FGF12: variants seen among roughly 807,000 people sequenced by gnomAD.
The protein encoded by FGF12 is fibroblast growth factor 12, also known as fibroblast growth factor 12B.
A neutral mutation model predicts 23.6 loss-of-function variants in FGF12; 14 were observed. That is an observed-to-expected ratio of 0.59 (90% CI 0.39 to 0.93). The LOEUF is 0.93. Among genes scored for constraint, FGF12 ranks in the 40% least tolerant of loss-of-function variants. FGF12 has a pLI of 0.00. For missense variants in FGF12, 175 were observed against 217.8 expected, an observed-to-expected ratio of 0.80 and a Z score of 1.24; for synonymous variants, 62 against 77.3, an observed-to-expected ratio of 0.80 and a Z score of 1.04.
chr3:192,381,218 G>A (rs1045266531), intron 2 of FGF12, among the ~76,000 whole-genome samples: 2 of 152,022 alleles, frequency 1.3e-5, no homozygotes, highest in Admixed American at 6.6e-5. Flanking sequence ...AACAGCACCC[G>A]ACCATCTATT....
chr3:192,631,113 G>C (rs889886553), intron 2 of FGF12, among the ~76,000 whole-genome samples: 1 of 152,102 alleles, frequency 6.6e-6, no homozygotes, highest in African/African-American at 2.4e-5. Flanking sequence ...CTGAGCCATT[G>C]CCACTTTTTT....
intron 2 of FGF12, among the ~76,000 whole-genome samples, chr3:192,596,911 G>A (rs1237121038): frequency 6.6e-6 from 1 of 152,202 alleles, no homozygotes; most frequent in Non-Finnish European, 1.5e-5. Flanking sequence ...GAGGAAGATA[G>A]TGTGTAGAAA....
intron 2 of FGF12, among the ~76,000 whole-genome samples, chr3:192,666,898 GGATA>G (rs1403514235): frequency 6.8e-6 from 1 of 147,016 alleles, no homozygotes; most frequent in African/African-American, 2.6e-5. Flanking sequence ...TTAGATGGAT[GGATA>G]GTTGGATAGA....
intron 2 of FGF12, among the ~76,000 whole-genome samples, chr3:192,562,723 C>A (rs1330341033): frequency 1.3e-5 from 2 of 149,136 alleles, no homozygotes; most frequent in Admixed American, 6.7e-5. Flanking sequence ...GTGATACTAA[C>A]CCTACCTCTG....
intron 3 of FGF12, among the ~76,000 whole-genome samples, chr3:192,348,231 T>C (rs1306701625): frequency 6.6e-6 from 1 of 152,156 alleles, no homozygotes; most frequent in Non-Finnish European, 1.5e-5. Context: ...AGGTATGTGT[T>C]CCAGATTCGG....
At chr3:192,677,617 A>G (rs1161511653) in intron 2 of FGF12, among the ~76,000 whole-genome samples, 2 of 152,250 alleles carry the variant, frequency 1.3e-5, no homozygotes, top group East Asian at 1.9e-4. Flanking sequence ...AAACTGAAAA[A>G]ACAAAATAGC....
chr3:192,183,840 C>T (rs919753956), intron 4 of FGF12, among the ~76,000 whole-genome samples: 1 of 152,176 alleles, frequency 6.6e-6, no homozygotes, highest in African/African-American at 2.4e-5. Context: ...AACCTGCTCT[C>T]CAGTCCAGGG....
chr3:192,724,407 T>C (rs1271904197), intron 2 of FGF12, among the ~76,000 whole-genome samples: 1 of 152,184 alleles, frequency 6.6e-6, no homozygotes, highest in African/African-American at 2.4e-5. Flanking sequence ...ATTTCATTGG[T>C]ATGCGGTGCC....
chr3:192,655,718 A>G (rs1716385431), intron 2 of FGF12, among the ~76,000 whole-genome samples: 1 of 152,204 alleles, frequency 6.6e-6, no homozygotes, highest in Non-Finnish European at 1.5e-5. Context: ...TAGATGGACG[A>G]GTGTCCCATG....
intron 5 of FGF12, among the ~76,000 whole-genome samples, chr3:192,159,740 G>GT (rs1029684580): frequency 6.6e-6 from 1 of 152,160 alleles, no homozygotes; most frequent in Non-Finnish European, 1.5e-5. Context: ...AGACATGTTT[G>GT]TTTGTCACCA....
intron 4 of FGF12, among the ~76,000 whole-genome samples, chr3:192,220,734 T>C (rs1318972523): frequency 6.6e-6 from 1 of 152,212 alleles, no homozygotes; most frequent in Admixed American, 6.5e-5. Flanking sequence ...ATATGACTGG[T>C]AAATATTGGT....
At chr3:192,630,580 T>G (rs1715350082) in intron 2 of FGF12, among the ~76,000 whole-genome samples, 2 of 142,960 alleles carry the variant, frequency 1.4e-5, no homozygotes, top group African/African-American at 2.6e-5. Context: ...TTAGATGGAG[T>G]CTTGCTCTGT....
At position 192,724,027 on chromosome 3, in the gene FGF12, G is replaced by A. The variant is rs550361027; in HGVS notation, c.13+3154C>T. 3.9e-4 allele frequency among the ~76,000 whole-genome samples: 55 copies of A among 140,724 alleles called. 2 individuals are homozygous for A. The highest frequency in any genetic ancestry group is 1.3e-3 in the African/African-American group (45 of 35,866). The allele number at this position is 140,724 out of a possible 152,430, so 92.3% of individuals were successfully genotyped here. ...GGAAGAAAGGGAGGAAGGGAAAAGGGAGGGAGAAAGGGAGGAAGGGAAAGG... is the reference window on the plus strand; with the variant it reads ...GGAAGAAAGGGAGGAAGGGAAAAGGAAGGGAGAAAGGGAGGAAGGGAAAGG... On this transcript the variant is annotated intron_variant, in intron 2 of 5. Coordinates refer to ENST00000445105, the MANE Select transcript of FGF12 (RefSeq NM_004113.6).
intron 4 of FGF12, among the ~76,000 whole-genome samples, chr3:192,261,700 C>T (rs926792767): frequency 1.3e-5 from 2 of 152,248 alleles, no homozygotes; most frequent in Admixed American, 1.3e-4. Flanking sequence ...GAGCTTACAT[C>T]GAACACAGTG....
chr3:192,462,854 T>C (rs535005619), intron 2 of FGF12, among the ~76,000 whole-genome samples: 1 of 152,272 alleles, frequency 6.6e-6, no homozygotes, highest in East Asian at 1.9e-4. Context: ...ATGTAAGAAA[T>C]TTAAATATGC....
At chr3:192,565,478 AT>A (rs1344762910) in intron 2 of FGF12, among the ~76,000 whole-genome samples, 3 of 152,218 alleles carry the variant, frequency 2.0e-5, no homozygotes, top group Non-Finnish European at 1.5e-5. Context: ...GTCCTATAAG[AT>A]TATAATACCA....
At chr3:192,436,721 T>C (rs988811795) in intron 2 of FGF12, among the ~76,000 whole-genome samples, 8 of 152,234 alleles carry the variant, frequency 5.3e-5, no homozygotes, top group Non-Finnish European at 2.9e-5. Context: ...GTAGCCTGTC[T>C]GATCAACAAT....
In FGF12 at chr3:192,679,962, A is replaced by G. The variant is rs911468277; in HGVS notation, c.13+47219T>C. 2.1e-4 allele frequency among the ~76,000 whole-genome samples: 32 copies of G among 152,232 alleles called. 1 individual carries two copies. The highest frequency in any genetic ancestry group is 8.8e-5 in the Non-Finnish European group (6 of 68,042). On this transcript the variant is annotated intron_variant, in intron 2 of 5. Transcript: ENST00000445105. ...CCCTGACACCAGGTGTATGCCTGAT[A>G]GTAAAACATCACATTTTAAAAGTGG... is the stretch of plus-strand genomic sequence containing the variant.
chr3:192,206,387 G>A (rs980289839), intron 4 of FGF12, among the ~76,000 whole-genome samples: 4 of 152,206 alleles, frequency 2.6e-5, no homozygotes, highest in African/African-American at 9.6e-5. Flanking sequence ...AGTGGTTGGA[G>A]AATAATAGAA....
Sources: gnomAD v4.1 joint callset for allele counts (sites outside exome capture counted in the v4.1 genomes callset) on GRCh38, gnomAD v4.1.1 for gene constraint, MANE v1.5 for transcripts, NCBI Gene and HGNC (gene_info 2026-07-23, HGNC 2026-07-21) for gene names.